DNMT3L: variants seen among roughly 807,000 people sequenced by gnomAD.
The protein encoded by DNMT3L is DNA (cytosine-5)-methyltransferase 3-like.
In DNMT3L, 33 loss-of-function variants were observed where a neutral mutation model predicts 36.2. The observed-to-expected ratio is 0.91, with a 90% CI of 0.69 to 1.22. The LOEUF (loss-of-function observed/expected upper bound fraction) is 1.22, where lower values mean the gene tolerates loss of function less well. Among genes scored for constraint, DNMT3L ranks in the 50% most tolerant of loss-of-function variants. The pLI is 0.00. For synonymous variants in DNMT3L, 117 were observed against 121.7 expected (o/e 0.96, Z 0.26); for missense variants, 310 against 303.1 (o/e 1.02, Z -0.17).
intron 7 of DNMT3L, 103 bp from the exon 8 acceptor site, chr21:44,254,808 A>G: frequency 8.9e-7 from 1 of 1,127,186 alleles, no homozygotes; most frequent in Non-Finnish European, 1.3e-6. Flanking sequence ...TCCTACCATT[A>G]AGGAGCCAAC....
At position 44,254,769 on chromosome 21, in the gene DNMT3L, GA is replaced by G. The variant is rs1289655218; in HGVS notation, c.605-65del. On this transcript the variant is annotated intron_variant, in intron 7 of 11. Transcript: ENST00000628202. The stretch of plus-strand genomic sequence containing the variant: ...GTGGATTGTGCCCCTACAGGGACTC[GA>G]AAAGGCTGACGGACGATCAGAGGAC... 6.5e-6 allele frequency: 10 copies of G among 1,537,840 alleles called. No homozygotes were observed. The African/African-American group carries it at 1.2e-4, about 19-fold the overall frequency.
intron 2 of DNMT3L, 124 bp from the exon 3 acceptor site, chr21:44,260,963 C>G (rs1390825501): frequency 6.8e-7 from 1 of 1,466,186 alleles, no homozygotes; most frequent in East Asian, 2.3e-5. Context: ...CCCCTGCCAT[C>G]CCGCCCTCAC....
chr21:44,258,923 A>G lies in DNMT3L; in HGVS notation c.345-229T>C, dbSNP rs62226880. 7.7e-3 allele frequency among the ~76,000 whole-genome samples: 1,168 copies of G among 152,182 alleles called. 12 individuals are homozygous for G. Among genetic ancestry groups the G allele is most frequent in the Middle Eastern group, 0.031 (9 of 294 alleles). On this transcript the variant is annotated intron_variant, in intron 5 of 11. Transcript: ENST00000628202. The surrounding 1 kb of genome is among the most constrained non-coding windows in gnomAD (Gnocchi z 6.2). ...CAGGGAGGTGGATTCACAGGCAATGACAGATCCAAGGAACCCCCTAAGCCA... is the reference window on the plus strand; with the variant it reads ...CAGGGAGGTGGATTCACAGGCAATGGCAGATCCAAGGAACCCCCTAAGCCA...
intron 3 of DNMT3L, among the ~76,000 whole-genome samples, chr21:44,260,250 A>G (rs755095322): frequency 2.0e-5 from 3 of 152,158 alleles, no homozygotes; most frequent in Admixed American, 1.3e-4. Context: ...GTGGTTGCCT[A>G]GAGTTAAAAG....
rs2040316454 is a variant in DNMT3L at position 44,261,263 on chromosome 21, GATGCTGT to G, written c.-7-4_-5del. 6.2e-7 allele frequency: 1 copy of G among 1,612,282 alleles called. No individual in the cohort carries two copies. The highest frequency in any genetic ancestry group is 1.3e-5 in the African/African-American group (1 of 75,040). On this transcript the variant is annotated splice_acceptor_variant and splice_polypyrimidine_tract_variant and 5_prime_UTR_variant and intron_variant, in exon 2 of 12. Transcript: ENST00000628202. LOFTEE classifies it low-confidence loss of function (5UTR_SPLICE). ...CCAGGGCTGGGATGGCCGCCATGGG[GATGCTGT>G]GTCAGGACACACGGACACAGATGTG...
chr21:44,261,493 C>T (rs79296121), intron 1 of DNMT3L, among the ~76,000 whole-genome samples: 280 of 152,348 alleles, frequency 1.8e-3, no homozygotes, highest in African/African-American at 6.4e-3. Flanking sequence ...GCGTGCCCCC[C>T]ACCTGCCTGG....
intron 6 of DNMT3L, among the ~76,000 whole-genome samples, chr21:44,257,265 G>C (rs983218717): frequency 2.6e-5 from 4 of 152,202 alleles, no homozygotes; most frequent in Non-Finnish European, 5.9e-5. Context: ...TGTAATCCCA[G>C]GTACTCAGGA....
intron 6 of DNMT3L, among the ~76,000 whole-genome samples, chr21:44,257,037 G>A (rs2040264896): frequency 1.3e-5 from 2 of 152,168 alleles, no homozygotes. Context: ...CCTCACCGGG[G>A]GCCACACCCC....
rs1427787908 is a variant in DNMT3L, at chr21:44,258,179, G to C, written c.516+344C>G. 6.6e-6 allele frequency among the ~76,000 whole-genome samples: 1 copy of C among 151,998 alleles called. No homozygotes were observed. Among genetic ancestry groups the C allele is most frequent in the Non-Finnish European group, 1.5e-5 (1 of 67,992 alleles). ...TTCCTGCCGGCCCCCCTGGCTCCTCGGCTGGACTCCCAAAACGGCCCACAC... is the reference window on the plus strand; with the variant it reads ...TTCCTGCCGGCCCCCCTGGCTCCTCCGCTGGACTCCCAAAACGGCCCACAC... On this transcript the variant is annotated intron_variant, in intron 6 of 11. Transcript: ENST00000628202. The surrounding 1 kb of genome is among the most constrained non-coding windows in gnomAD (Gnocchi z 6.2).
chr21:44,255,301 A>G (rs1023425562), intron 7 of DNMT3L, among the ~76,000 whole-genome samples: 7 of 151,548 alleles, frequency 4.6e-5, no homozygotes, highest in Non-Finnish European at 1.0e-4. Flanking sequence ...CGGATGGATC[A>G]CCTGAGGTCA....
intron 6 of DNMT3L, among the ~76,000 whole-genome samples, chr21:44,257,695 AAT>A (rs565516125): frequency 0.14 from 12,414 of 87,416 alleles, 986 homozygotes; most frequent in African/African-American, 0.28. Context: ...AAAAAAAAAA[AAT>A]AAATAAATAA....
In DNMT3L at chr21:44,254,588, A is replaced by C. The variant is rs528943078; in HGVS notation, c.693+29T>G. ...AAGCTCGCACCCCCGCTCCCACTAC[A>C]GTGTCTGAGAGTTCACGGCGGTACT... On this transcript the variant is annotated intron_variant, in intron 8 of 11. Coordinates refer to ENST00000628202, the MANE Select transcript of DNMT3L (RefSeq NM_175867.3). 53 of 1,610,600 alleles carry C rather than the reference A, an allele frequency of 3.3e-5. No individual in the cohort carries two copies. In the South Asian group the frequency reaches 5.6e-4, roughly 17 times the overall value.
chr21:44,260,667 A>T, intron 3 of DNMT3L, 128 bp downstream of exon 3: 2 of 1,196,130 alleles, frequency 1.7e-6, no homozygotes, highest in Non-Finnish European at 2.5e-6. Flanking sequence ...TATGTTGCCT[A>T]GGCTGGTCTC....
At chr21:44,259,160 A>T (rs2040292180) in intron 5 of DNMT3L, among the ~76,000 whole-genome samples, 1 of 152,240 alleles carries the variant, frequency 6.6e-6, no homozygotes, top group Middle Eastern at 3.4e-3. Context: ...CACCCCGGTC[A>T]TGACTGGCAG....
Position 44,254,780 on chromosome 21 carries a change from CG to C in DNMT3L, c.605-76del, listed in dbSNP as rs1351743275. The C allele has an allele frequency of 2.7e-6, 4 of 1,475,898 alleles. No homozygotes were observed. The African/African-American group carries it at 5.6e-5, about 21-fold the overall frequency. 91.4% of individuals were successfully genotyped at this position (1,475,898 alleles called of 1,614,324 possible). A position where few individuals can be genotyped will look rare whatever the true frequency, so the allele number is the denominator to read the frequency against. ...CCCTACAGGGACTCGAAAAGGCTGA[CG>C]GACGATCAGAGGACCCTCCTACCAT... is the stretch of plus-strand genomic sequence containing the variant. On this transcript the variant is annotated intron_variant, in intron 7 of 11. Coordinates refer to ENST00000628202, the MANE Select transcript of DNMT3L (RefSeq NM_175867.3).
chr21:44,259,650 C>A lies in DNMT3L; in HGVS notation c.213G>T (p.Gly71=). The change falls in exon 4 of 12, where the codon GGG becomes GGT. Residue 71 remains glycine, a synonymous_variant. Coordinates refer to ENST00000628202, the MANE Select transcript of DNMT3L (RefSeq NM_175867.3). ...TGCCTACCTTACATGGGGCGCAGATCCCTCCCTCAAACAGAGGGTGCTGTG... is the reference window on the plus strand; with the variant it reads ...TGCCTACCTTACATGGGGCGCAGATACCTCCCTCAAACAGAGGGTGCTGTG... ...VHTQHPLFEG[G]ICAPCKDKFL... The A allele has an allele frequency of 6.2e-7, 1 of 1,613,188 alleles. No individual in the cohort carries two copies. Among genetic ancestry groups the A allele is most frequent in the Non-Finnish European group, 8.5e-7 (1 of 1,179,804 alleles).
chr21:44,259,666 G>C lies in DNMT3L; in HGVS notation c.197C>G (p.Pro66Arg), dbSNP rs973522788. The C allele has an allele frequency of 6.2e-7, 1 of 1,613,078 alleles. No homozygotes were observed. Residue 66 changes from proline to arginine, a missense_variant, in exon 4 of 12, where the codon CCT becomes CGT. Coordinates refer to ENST00000628202, the MANE Select transcript of DNMT3L (RefSeq NM_175867.3). Reference protein sequence around the residue: ...CGSLQVHTQHPLFEGGICAPC... With the variant: ...CGSLQVHTQHRLFEGGICAPC... ...GGCGCAGATCCCTCCCTCAAACAGA[G>C]GGTGCTGTGTGTGAACCTGGAGACT...
At chr21:44,261,414 A>G (rs2040318177) in intron 1 of DNMT3L, 148 bp from the exon 2 acceptor site, 1 of 694,988 alleles carries the variant, frequency 1.4e-6, no homozygotes, top group South Asian at 1.8e-5. Context: ...CACCTGCCCA[A>G]CCCAGGGATG....
At chr21:44,255,940 G>T in intron 7 of DNMT3L, 127 bp downstream of exon 7, 1 of 925,176 alleles carries the variant, frequency 1.1e-6, no homozygotes, top group Non-Finnish European at 1.7e-6. Context: ...GGGTGGGGAA[G>T]GGTACAGGAC....
Sources: allele counts gnomAD v4.1 joint callset (sites outside exome capture counted in the v4.1 genomes callset), GRCh38; gene constraint gnomAD v4.1.1; non-coding constraint Gnocchi (gnomAD v3.1); transcripts MANE v1.5; gene names NCBI Gene and HGNC (gene_info 2026-07-23, HGNC 2026-07-21).